LPP: variants seen among roughly 807,000 people sequenced by gnomAD.
The protein encoded by LPP is lipoma-preferred partner.
Under a neutral mutation model 60.4 loss-of-function variants are expected in LPP, and 38 were observed. The ratio of observed to expected loss-of-function variants is 0.63; its 90% CI spans 0.49 to 0.83. The LOEUF (loss-of-function observed/expected upper bound fraction) is 0.83. Ranked by LOEUF, LPP falls within the 40% of genes least tolerant of loss-of-function variation. The pLI is 0.00. For synonymous variants in LPP, 328 were observed against 290.8 expected (o/e 1.13, Z -1.30); for missense variants, 902 against 783.6 (o/e 1.15, Z -1.80).
At chr3:188,748,053 G>T (rs1477080146) in intron 8 of LPP, among the ~76,000 whole-genome samples, 1 of 152,096 alleles carries the variant, frequency 6.6e-6, no homozygotes, top group Non-Finnish European at 1.5e-5. Context: ...GATTTTGCAT[G>T]GAAATTTTTT....
chr3:188,327,209 C>A (rs908558368), intron 2 of LPP, among the ~76,000 whole-genome samples: 1 of 152,128 alleles, frequency 6.6e-6, no homozygotes, highest in Non-Finnish European at 1.5e-5. Context: ...TGGATACTTT[C>A]GCTTCTCTAT....
chr3:188,515,053 T>C (rs147800736), intron 5 of LPP, among the ~76,000 whole-genome samples: 127 of 152,326 alleles, frequency 8.3e-4, no homozygotes, highest in African/African-American at 3.0e-3. Flanking sequence ...ATTCAAGCAT[T>C]TATCAAGCGT....
chr3:188,576,290 G>A (rs1834601627), intron 6 of LPP, among the ~76,000 whole-genome samples: 1 of 152,110 alleles, frequency 6.6e-6, no homozygotes, highest in African/African-American at 2.4e-5. Flanking sequence ...GTTGAACTGA[G>A]TGGTACCAGG....
rs978100973 is a variant in LPP, at chr3:188,198,538, C to T, written c.-189-26867C>T. Among the ~76,000 whole-genome samples, 7 of 152,174 alleles carry T rather than the reference C, an allele frequency of 4.6e-5. No individual in the cohort carries two copies. In the East Asian group the frequency reaches 5.8e-4, roughly 13 times the overall value. ...GGCACTGGGTGGAGTGCTCCTCACA[C>T]GACCTCTCATCTCATCCTCATAACT... On this transcript the variant is annotated intron_variant, in intron 1 of 11. Coordinates refer to ENST00000617246, the MANE Select transcript of LPP (RefSeq NM_001375462.1).
intron 8 of LPP, among the ~76,000 whole-genome samples, chr3:188,731,073 T>C (rs1157303290): frequency 6.6e-6 from 1 of 152,224 alleles, no homozygotes; most frequent in Non-Finnish European, 1.5e-5. Context: ...TTTTGTCATA[T>C]ACAGTAGCAT....
chr3:188,346,895 C>T (rs1011920698), intron 3 of LPP, among the ~76,000 whole-genome samples: 13 of 152,148 alleles, frequency 8.5e-5, no homozygotes, highest in African/African-American at 3.1e-4. Flanking sequence ...CGTTTTGTAG[C>T]ATGACTTTTG....
In LPP at chr3:188,874,923, A is replaced by G. The variant is rs1769070010; in HGVS notation, c.*444A>G. On this transcript the variant is annotated 3_prime_UTR_variant, in exon 12 of 12. Coordinates refer to ENST00000617246, the MANE Select transcript of LPP (RefSeq NM_001375462.1). Reference sequence around the variant, plus strand: ...TTCCGTTTTGCCTGTGACTGTAAAGAGTAGCCATTCTTTTCCCATGTATTG... The same window carrying G: ...TTCCGTTTTGCCTGTGACTGTAAAGGGTAGCCATTCTTTTCCCATGTATTG... 4.3e-6 allele frequency: 1 copy of G among 232,864 alleles called. No homozygotes were observed. The highest frequency in any genetic ancestry group is 1.7e-4 in the South Asian group (1 of 5,898). The allele number at this position is 232,864 out of a possible 1,614,324, so 14.4% of individuals were successfully genotyped here.
At chr3:188,811,352 A>G (rs765993348) in intron 9 of LPP, among the ~76,000 whole-genome samples, 3 of 28,338 alleles carry the variant, frequency 1.1e-4, no homozygotes, top group Admixed American at 5.5e-4. Context: ...AGTGCTGTAT[A>G]CACACACACA....
chr3:188,273,895 G>A (rs375770848), intron 2 of LPP, among the ~76,000 whole-genome samples: 31 of 151,928 alleles, frequency 2.0e-4, no homozygotes, highest in East Asian at 3.9e-4. Flanking sequence ...ATGTCTGGCC[G>A]TCTATTTTAT....
At chr3:188,702,248 G>A (rs951509659) in intron 7 of LPP, among the ~76,000 whole-genome samples, 5 of 151,556 alleles carry the variant, frequency 3.3e-5, no homozygotes, top group Non-Finnish European at 7.4e-5. Flanking sequence ...AAGCCACCAC[G>A]CCCAGCCTTT....
chr3:188,318,828 G>T (rs1489929523), intron 2 of LPP, among the ~76,000 whole-genome samples: 2 of 140,234 alleles, frequency 1.4e-5, no homozygotes, highest in South Asian at 4.5e-4. Context: ...GCGCGATCTC[G>T]GCTCACTGCA....
At chr3:188,192,883 A>G (rs1728561997) in intron 1 of LPP, among the ~76,000 whole-genome samples, 1 of 152,224 alleles carries the variant, frequency 6.6e-6, no homozygotes. Flanking sequence ...AGTGCTCCGG[A>G]AAGACGAGGC....
At chr3:188,169,083 G>GCAGT (rs1470117517) in intron 1 of LPP, among the ~76,000 whole-genome samples, 1 of 152,220 alleles carries the variant, frequency 6.6e-6, no homozygotes, top group Non-Finnish European at 1.5e-5. Context: ...AGAAGAGGCA[G>GCAGT]CAGTCCATCA....
chr3:188,870,194 A>C (rs1031731770), intron 10 of LPP, among the ~76,000 whole-genome samples: 21 of 151,860 alleles, frequency 1.4e-4, no homozygotes, highest in African/African-American at 5.1e-4. Flanking sequence ...ATAACTTTAC[A>C]ATAATCATCT....
chr3:188,600,221 ATATT>A (rs1341965184), intron 6 of LPP, among the ~76,000 whole-genome samples: 2 of 148,176 alleles, frequency 1.3e-5, no homozygotes, highest in East Asian at 3.9e-4. Context: ...TGTTAAATAT[ATATT>A]TATTTTTATA....
chr3:188,442,151 T>G (rs1794148419), intron 4 of LPP, among the ~76,000 whole-genome samples: 1 of 152,172 alleles, frequency 6.6e-6, no homozygotes, highest in Non-Finnish European at 1.5e-5. Flanking sequence ...TACTTTAAGT[T>G]CTAGGGTACA....
At chr3:188,303,692 TGAG>T (rs980492292) in intron 2 of LPP, among the ~76,000 whole-genome samples, 4 of 152,134 alleles carry the variant, frequency 2.6e-5, no homozygotes, top group Admixed American at 2.0e-4. Flanking sequence ...TGGTGAATAA[TGAG>T]GAGATCAGAT....
chr3:188,501,145 T>A (rs112597224), intron 5 of LPP, among the ~76,000 whole-genome samples: 1 of 152,174 alleles, frequency 6.6e-6, no homozygotes, highest in Non-Finnish European at 1.5e-5. Flanking sequence ...AGATTTAGGT[T>A]GTTGGTTTGA....
At chr3:188,598,326 G>C (rs955194736) in intron 6 of LPP, among the ~76,000 whole-genome samples, 2 of 152,110 alleles carry the variant, frequency 1.3e-5, no homozygotes, top group African/African-American at 4.8e-5. Flanking sequence ...AATAGAGTAC[G>C]TACTAGAGGA....
Sources: allele counts gnomAD v4.1 joint callset (sites outside exome capture counted in the v4.1 genomes callset), GRCh38; gene constraint gnomAD v4.1.1; transcripts MANE v1.5; gene names NCBI Gene and HGNC (gene_info 2026-07-23, HGNC 2026-07-21).